Variants in PEX14 observed in about 807,000 individuals in gnomAD.
PEX14 encodes the protein peroxisomal biogenesis factor 14, also known as peroxisomal membrane protein PEX14.
Under a neutral mutation model 49.5 loss-of-function variants are expected in PEX14, and 15 were observed. The ratio of observed to expected loss-of-function variants is 0.30; its 90% CI spans 0.20 to 0.47. The LOEUF is 0.47. Among genes scored for constraint, PEX14 ranks in the 20% least tolerant of loss-of-function variants. The pLI, the probability that PEX14 is intolerant of heterozygous loss-of-function variation, is 1.00. For synonymous variants in PEX14, 210 were observed against 212.7 expected, an observed-to-expected ratio of 0.99 and a Z score of 0.11; for missense variants, 398 against 494.8, an observed-to-expected ratio of 0.80 and a Z score of 1.86.
chr1:10,590,310 T>C (rs996890891), intron 3 of PEX14, among the ~76,000 whole-genome samples: 1 of 152,230 alleles, frequency 6.6e-6, no homozygotes, highest in Non-Finnish European at 1.5e-5. Flanking sequence ...GAGTTAAAGA[T>C]GTAAAGAACT....
rs1417377556 is a variant in PEX14 at position 10,597,947 on chromosome 1, AT to A, written c.170-1289del. 6.6e-6 allele frequency among the ~76,000 whole-genome samples: 1 copy of A among 152,224 alleles called. No individual in the cohort carries two copies. Among genetic ancestry groups the A allele is most frequent in the Non-Finnish European group, 1.5e-5 (1 of 68,036 alleles). On this transcript the variant is annotated intron_variant, in intron 3 of 8. Coordinates refer to ENST00000356607, the MANE Select transcript of PEX14 (RefSeq NM_004565.3). This position sits in a 1 kb window ranked among gnomAD's most constrained non-coding sequence, Gnocchi z 5.7. ...GCAGGGCGGAGCTGTGCTTTAAAGC[AT>A]TAATGTGCACCATCTATTAGCCCCT... is the stretch of plus-strand genomic sequence containing the variant.
intron 1 of PEX14, among the ~76,000 whole-genome samples, chr1:10,493,643 G>C (rs1641508481): frequency 6.6e-6 from 1 of 152,106 alleles, no homozygotes; most frequent in Non-Finnish European, 1.5e-5. Context: ...GCCCAGGCTG[G>C]TTTCAAACTC....
chr1:10,620,012 G>A (rs545981591), intron 5 of PEX14, among the ~76,000 whole-genome samples: 10 of 152,178 alleles, frequency 6.6e-5, no homozygotes, highest in Non-Finnish European at 1.5e-4. Context: ...CTACTGGGGA[G>A]GCTGAGGCAG....
chr1:10,577,159 G>A (rs1019700164), intron 3 of PEX14, among the ~76,000 whole-genome samples: 4 of 142,304 alleles, frequency 2.8e-5, no homozygotes, highest in African/African-American at 1.0e-4. Flanking sequence ...TGTAATGCCA[G>A]CATTTTGGGA....
intron 2 of PEX14, among the ~76,000 whole-genome samples, chr1:10,526,060 T>C (rs1638468497): frequency 6.6e-6 from 1 of 151,422 alleles, no homozygotes; most frequent in Non-Finnish European, 1.5e-5. Flanking sequence ...TAGCTGGGAC[T>C]ATAGGTGCGT....
chr1:10,549,554 T>C (rs1414015287), intron 3 of PEX14, among the ~76,000 whole-genome samples: 1 of 152,166 alleles, frequency 6.6e-6, no homozygotes, highest in Admixed American at 6.5e-5. Context: ...TTTTTCCCAA[T>C]CAAAGGCTCT....
At chr1:10,513,265 T>C (rs1309993587) in intron 2 of PEX14, among the ~76,000 whole-genome samples, 1 of 152,192 alleles carries the variant, frequency 6.6e-6, no homozygotes, top group Non-Finnish European at 1.5e-5. Flanking sequence ...GCTGGTTGTC[T>C]GATTCTAACA....
chr1:10,479,547 C>T (rs1382948679), intron 1 of PEX14, among the ~76,000 whole-genome samples: 1 of 152,192 alleles, frequency 6.6e-6, no homozygotes, highest in Non-Finnish European at 1.5e-5. Context: ...ACTAGCTTTT[C>T]TTCCTTCGCT....
chr1:10,519,931 C>T (rs1048848584), intron 2 of PEX14, among the ~76,000 whole-genome samples: 3 of 152,084 alleles, frequency 2.0e-5, no homozygotes, highest in African/African-American at 7.2e-5. Context: ...TGTGCCACCA[C>T]ACCCAGCTCA....
intron 3 of PEX14, among the ~76,000 whole-genome samples, chr1:10,580,309 C>A (rs1640276871): frequency 6.6e-6 from 1 of 152,132 alleles, no homozygotes; most frequent in Admixed American, 6.5e-5. Context: ...ACTGCAACTT[C>A]TGCCTCCCAG....
intron 3 of PEX14, among the ~76,000 whole-genome samples, chr1:10,572,323 A>G (rs1266618129): frequency 6.6e-6 from 1 of 152,192 alleles, no homozygotes; most frequent in Non-Finnish European, 1.5e-5. Context: ...TAAATCTATA[A>G]AGCACAAGAA....
At chr1:10,590,469 CTA>C (rs1640631593) in intron 3 of PEX14, among the ~76,000 whole-genome samples, 1 of 152,022 alleles carries the variant, frequency 6.6e-6, no homozygotes, top group Non-Finnish European at 1.5e-5. Flanking sequence ...AATATATAAT[CTA>C]TATTATTCTA....
chr1:10,489,457 C>T lies in PEX14; in HGVS notation c.37-5817C>T, dbSNP rs533490087. Among the ~76,000 whole-genome samples the T allele has an allele frequency of 3.3e-4, 50 of 152,242 alleles. No individual in the cohort carries two copies. In the South Asian group the frequency reaches 9.1e-3, roughly 28 times the overall value. ...CTTTGTTAGAGTGGATCTGGATAAT[C>T]TTTAATCTAGGGATCATTTGACCTC... On this transcript the variant is annotated intron_variant, in intron 1 of 8. Coordinates refer to ENST00000356607, the MANE Select transcript of PEX14 (RefSeq NM_004565.3).
intron 2 of PEX14, among the ~76,000 whole-genome samples, chr1:10,519,710 T>C (rs897269034): frequency 4.6e-5 from 7 of 152,240 alleles, no homozygotes; most frequent in Non-Finnish European, 2.9e-5. Flanking sequence ...CTAACTTTTC[T>C]TTCCCTGGTG....
chr1:10,545,914 G>A (rs1460537657), intron 3 of PEX14, among the ~76,000 whole-genome samples: 1 of 152,110 alleles, frequency 6.6e-6, no homozygotes, highest in Non-Finnish European at 1.5e-5. Flanking sequence ...GCGTGGTGGC[G>A]CATGCCTGTG....
Position 10,529,148 on chromosome 1 carries a change from T to C in PEX14, c.85-7065T>C, listed in dbSNP as rs557019523. Among the ~76,000 whole-genome samples, 1 of 152,382 alleles carries C rather than the reference T, an allele frequency of 6.6e-6. No homozygotes were observed. Among genetic ancestry groups the C allele is most frequent in the African/African-American group, 2.4e-5 (1 of 41,594 alleles). On this transcript the variant is annotated intron_variant, in intron 2 of 8. Coordinates refer to ENST00000356607, the MANE Select transcript of PEX14 (RefSeq NM_004565.3). The surrounding 1 kb of genome is among the most constrained non-coding windows in gnomAD (Gnocchi z 4.2). ...GACAAGGCATTTAAATGTGCTTTTC[T>C]TTCTCCCTGAAGGAGAAAAACGCTT...
At chr1:10,588,072 A>G (rs1219553294) in intron 3 of PEX14, among the ~76,000 whole-genome samples, 1 of 151,848 alleles carries the variant, frequency 6.6e-6, no homozygotes, top group Non-Finnish European at 1.5e-5. Flanking sequence ...AAAATACGAA[A>G]AAATTAGCTG....
At chr1:10,585,033 C>T (rs1251178424) in intron 3 of PEX14, among the ~76,000 whole-genome samples, 1 of 152,160 alleles carries the variant, frequency 6.6e-6, no homozygotes, top group African/African-American at 2.4e-5. Context: ...ATTTATATCA[C>T]ACTATAGTAA....
chr1:10,508,671 G>GGC (rs1163051542), intron 2 of PEX14, among the ~76,000 whole-genome samples: 1 of 152,240 alleles, frequency 6.6e-6, no homozygotes, highest in Non-Finnish European at 1.5e-5. Flanking sequence ...GGAGGAGAAA[G>GGC]GCTGGTTGCA....
Sources: gnomAD v4.1 joint callset for allele counts (sites outside exome capture counted in the v4.1 genomes callset) on GRCh38, gnomAD v4.1.1 for gene constraint, Gnocchi (gnomAD v3.1) non-coding constraint, MANE v1.5 for transcripts, NCBI Gene and HGNC (gene_info 2026-07-23, HGNC 2026-07-21) for gene names.